NPLOC4: variants seen among roughly 807,000 people sequenced by gnomAD.
The protein encoded by NPLOC4 is nuclear protein localization protein 4 homolog.
NPLOC4 carries 18 observed loss-of-function variants against 80.6 expected under a neutral mutation model. The ratio of observed to expected loss-of-function variants is 0.22; its 90% CI spans 0.15 to 0.33. NPLOC4 has a LOEUF of 0.33. NPLOC4 is among the 10% of genes least tolerant of loss of function. The pLI, the probability that NPLOC4 is intolerant of heterozygous loss-of-function variation, is 1.00. For synonymous variants in NPLOC4, 313 were observed against 301.5 expected, an observed-to-expected ratio of 1.04 and a Z score of -0.39; for missense variants, 540 against 786.1, an observed-to-expected ratio of 0.69 and a Z score of 3.74.
In NPLOC4 at chr17:81,558,903, G is replaced by GCT. The variant is rs529973119; in HGVS notation, c.*354_*355dup. On this transcript the variant is annotated 3_prime_UTR_variant, in exon 17 of 17. Coordinates refer to ENST00000331134, the MANE Select transcript of NPLOC4 (RefSeq NM_017921.4). ...AAAAAGCACTGAAAATAAAGAGAAG[G>GCT]CTGGGTGGTGGCAGCATCGGCCCCT... 3.5e-4 allele frequency: 65 copies of GCT among 187,584 alleles called. No homozygotes were observed. Among genetic ancestry groups the GCT allele is most frequent in the African/African-American group, 1.5e-3 (65 of 42,970 alleles). The allele number at this position is 187,584 out of a possible 1,614,324, so 11.6% of individuals were successfully genotyped here.
At chr17:81,604,241 T>C (rs1051767068) in intron 8 of NPLOC4, among the ~76,000 whole-genome samples, 10 of 152,082 alleles carry the variant, frequency 6.6e-5, no homozygotes, top group African/African-American at 2.4e-4. Flanking sequence ...ACACAAGGAC[T>C]GAGCACCTGG....
At chr17:81,635,150 G>A (rs1308617858) in intron 1 of NPLOC4, among the ~76,000 whole-genome samples, 1 of 151,728 alleles carries the variant, frequency 6.6e-6, no homozygotes, top group Non-Finnish European at 1.5e-5. Flanking sequence ...GATCAACCTG[G>A]CCAACACGGT....
At chr17:81,617,833 A>AT (rs1425544401) in intron 3 of NPLOC4, among the ~76,000 whole-genome samples, 1 of 151,834 alleles carries the variant, frequency 6.6e-6, no homozygotes, top group Admixed American at 6.6e-5. Context: ...TGGTTTTCGT[A>AT]TTTTTTTGGT....
chr17:81,569,868 G>T (rs1366326844), intron 13 of NPLOC4, among the ~76,000 whole-genome samples: 2 of 152,170 alleles, frequency 1.3e-5, no homozygotes, highest in Non-Finnish European at 2.9e-5. Flanking sequence ...AGAATCAATA[G>T]AAATACCACT....
At chr17:81,624,396 C>T (rs552707707) in intron 2 of NPLOC4, among the ~76,000 whole-genome samples, 11 of 152,000 alleles carry the variant, frequency 7.2e-5, no homozygotes, top group Non-Finnish European at 1.2e-4. Flanking sequence ...CCAGCCTGGG[C>T]GACAAGAGTG....
At chr17:81,587,166 A>G (rs1036615817) in intron 12 of NPLOC4, among the ~76,000 whole-genome samples, 40 of 152,220 alleles carry the variant, frequency 2.6e-4, no homozygotes, top group African/African-American at 9.2e-4. Flanking sequence ...ATGAGTTAGT[A>G]TATAAGAACA....
chr17:81,620,595 T>C (rs1330760049), intron 3 of NPLOC4, among the ~76,000 whole-genome samples: 1 of 152,192 alleles, frequency 6.6e-6, no homozygotes, highest in African/African-American at 2.4e-5. Flanking sequence ...GCTTGGTGCT[T>C]GCAATGGTGA....
At chr17:81,585,743 G>C (rs2034566795) in intron 12 of NPLOC4, among the ~76,000 whole-genome samples, 2 of 151,550 alleles carry the variant, frequency 1.3e-5, no homozygotes, top group Admixed American at 1.3e-4. Context: ...TCCCAGCACT[G>C]TGGGAGGCTG....
chr17:81,629,479 C>T (rs950277676), intron 2 of NPLOC4, among the ~76,000 whole-genome samples: 1 of 152,162 alleles, frequency 6.6e-6, no homozygotes, highest in Non-Finnish European at 1.5e-5. Context: ...TGAGCCACCA[C>T]GCCCAGCCGT....
intron 8 of NPLOC4, 29 bp downstream of exon 8, chr17:81,604,519 C>T (rs1394821776): frequency 6.2e-7 from 1 of 1,602,610 alleles, no homozygotes; most frequent in Admixed American, 1.7e-5. Context: ...AACACAGAAA[C>T]TCAGGAACTT....
Position 81,577,278 on chromosome 17 carries a change from T to C in NPLOC4, c.1282-5190A>G, listed in dbSNP as rs2034326929. Among the ~76,000 whole-genome samples, 1 of 151,578 alleles carries C rather than the reference T, an allele frequency of 6.6e-6. No individual in the cohort carries two copies. Among genetic ancestry groups the C allele is most frequent in the South Asian group, 2.1e-4 (1 of 4,802 alleles). On this transcript the variant is annotated intron_variant, in intron 12 of 16. Coordinates refer to ENST00000331134, the MANE Select transcript of NPLOC4 (RefSeq NM_017921.4). The surrounding 1 kb of genome is among the most constrained non-coding windows in gnomAD (Gnocchi z 4.3). Reference sequence around the variant, plus strand: ...TCGCCAGACTGCCTGTCCGCACAGCTCTCCAGACAGAGGACCCCAGCACTG... The same window carrying C: ...TCGCCAGACTGCCTGTCCGCACAGCCCTCCAGACAGAGGACCCCAGCACTG...
chr17:81,566,344 T>C (rs1210913984), intron 15 of NPLOC4: 3 of 152,098 alleles, frequency 2.0e-5, no homozygotes, highest in Admixed American at 6.6e-5. Flanking sequence ...AAAAAAATAA[T>C]TCATATATGA....
intron 1 of NPLOC4, among the ~76,000 whole-genome samples, chr17:81,634,152 G>A (rs1307751899): frequency 2.6e-5 from 4 of 151,388 alleles, no homozygotes; most frequent in Admixed American, 1.3e-4. Flanking sequence ...GATTACAAAC[G>A]TGAGCCACCA....
At position 81,558,216 on chromosome 17, in the gene NPLOC4, G is replaced by C. The variant is rs1282304721; in HGVS notation, c.*1043C>G. 1 of 152,238 alleles carries C rather than the reference G, an allele frequency of 6.6e-6. No homozygotes were observed. Among genetic ancestry groups the C allele is most frequent in the Non-Finnish European group, 1.5e-5 (1 of 68,108 alleles). 9.4% of individuals were successfully genotyped at this position (152,238 alleles called of 1,614,324 possible). The stretch of plus-strand genomic sequence containing the variant: ...ATCAATTGTGCAGTGCCCCAGGGAG[G>C]TCCCAAATGGCCCTCACAAGAGGCA... On this transcript the variant is annotated 3_prime_UTR_variant, in exon 17 of 17. Transcript: ENST00000331134.
intron 16 of NPLOC4, among the ~76,000 whole-genome samples, chr17:81,561,208 C>T (rs936052685): frequency 3.0e-4 from 45 of 152,308 alleles, no homozygotes; most frequent in South Asian, 1.0e-3. Flanking sequence ...TCCACCGCCT[C>T]GGCCTCCCAA....
intron 1 of NPLOC4, among the ~76,000 whole-genome samples, 170 bp downstream of exon 1, chr17:81,636,746 G>T (rs564781017): frequency 6.6e-6 from 1 of 152,182 alleles, no homozygotes; most frequent in Non-Finnish European, 1.5e-5. Context: ...AGCAGCCGAG[G>T]GGGGTGAAAG....
At chr17:81,613,175 G>T in intron 4 of NPLOC4, 143 bp downstream of exon 4, 4 of 626,666 alleles carry the variant, frequency 6.4e-6, no homozygotes, top group Non-Finnish European at 9.5e-6. Context: ...ATAACTTGAA[G>T]TTTAATCTGA....
intron 5 of NPLOC4, 86 bp downstream of exon 5, chr17:81,610,124 G>A (rs2035303976): frequency 8.1e-7 from 1 of 1,231,976 alleles, no homozygotes; most frequent in Non-Finnish European, 1.2e-6. Context: ...ACAGCCAAGT[G>A]CGTGGACTCA....
chr17:81,580,062 C>T lies in NPLOC4; in HGVS notation c.1282-7974G>A, dbSNP rs1219040469. Among the ~76,000 whole-genome samples the T allele has an allele frequency of 1.3e-5, 2 of 152,166 alleles. No individual in the cohort carries two copies. The highest frequency in any genetic ancestry group is 2.9e-5 in the Non-Finnish European group (2 of 68,028). On this transcript the variant is annotated intron_variant, in intron 12 of 16. Coordinates refer to ENST00000331134, the MANE Select transcript of NPLOC4 (RefSeq NM_017921.4). This position sits in a 1 kb window ranked among gnomAD's most constrained non-coding sequence, Gnocchi z 4.4. ...TGCCTTCCAGGGCGCTATGCTCCTGCCCCTCCTCCCCAGCTCCTGCCTCCC... is the reference window on the plus strand; with the variant it reads ...TGCCTTCCAGGGCGCTATGCTCCTGTCCCTCCTCCCCAGCTCCTGCCTCCC...
Sources: allele counts gnomAD v4.1 joint callset (sites outside exome capture counted in the v4.1 genomes callset), GRCh38; gene constraint gnomAD v4.1.1; non-coding constraint Gnocchi (gnomAD v3.1); transcripts MANE v1.5; gene names NCBI Gene and HGNC (gene_info 2026-07-23, HGNC 2026-07-21).